OPN5: variants seen among roughly 807,000 people sequenced by gnomAD.
The protein encoded by OPN5 is opsin-5.
A neutral mutation model predicts 41.7 loss-of-function variants in OPN5; 18 were observed. The ratio of observed to expected loss-of-function variants is 0.43; its 90% CI spans 0.30 to 0.64. The LOEUF (loss-of-function observed/expected upper bound fraction) is 0.64. Among genes scored for constraint, OPN5 ranks in the 30% least tolerant of loss-of-function variants. The pLI is 0.13. For synonymous variants in OPN5, 178 were observed against 164.3 expected, an observed-to-expected ratio of 1.08 and a Z score of -0.64; for missense variants, 318 against 434.5, an observed-to-expected ratio of 0.73 and a Z score of 2.38.
intron 2 of OPN5, among the ~76,000 whole-genome samples, chr6:47,791,477 AG>A (rs1773370291): frequency 6.6e-6 from 1 of 152,208 alleles, no homozygotes; most frequent in African/African-American, 2.4e-5. Flanking sequence ...ACTGGCTACT[AG>A]TATCATGTCT....
chr6:47,816,731 C>T (rs1426119071), intron 6 of OPN5, among the ~76,000 whole-genome samples: 2 of 151,988 alleles, frequency 1.3e-5, no homozygotes, highest in African/African-American at 2.4e-5. Flanking sequence ...CTCTCAGTGT[C>T]GCTGGTTGTC....
intron 1 of OPN5, among the ~76,000 whole-genome samples, chr6:47,783,714 T>A (rs1455227936): frequency 6.6e-6 from 1 of 152,190 alleles, no homozygotes. Context: ...GAGCAGAGAA[T>A]AAAATGGGCA....
intron 6 of OPN5, among the ~76,000 whole-genome samples, chr6:47,822,795 C>T (rs889335465): frequency 1.3e-5 from 2 of 151,990 alleles, no homozygotes; most frequent in African/African-American, 4.8e-5. Flanking sequence ...TTTTTTATAC[C>T]GTGAAAAAAT....
intron 4 of OPN5, among the ~76,000 whole-genome samples, chr6:47,799,506 C>A (rs1773690207): frequency 6.6e-6 from 1 of 152,004 alleles, no homozygotes; most frequent in Non-Finnish European, 1.5e-5. Context: ...ATTTAGGGTT[C>A]CTTGTGGTCT....
exon 7 of OPN5, chr6:47,823,994 A>G (rs1762717081): frequency 2.6e-6 from 4 of 1,549,990 alleles, no homozygotes; most frequent in Non-Finnish European, 3.5e-6. Context: ...GGGAATAACA[A>G]ATGTTCTGGT....
At chr6:47,816,857 A>G (rs1398592417) in intron 6 of OPN5, among the ~76,000 whole-genome samples, 2 of 152,126 alleles carry the variant, frequency 1.3e-5, no homozygotes, top group East Asian at 1.9e-4. Flanking sequence ...AAAGGAAACT[A>G]TTGTTATCAT....
chr6:47,795,761 TTCTC>T (rs112984403), intron 4 of OPN5, among the ~76,000 whole-genome samples, 198 bp downstream of exon 4: 4,528 of 136,896 alleles, frequency 0.033, 117 homozygotes, highest in Non-Finnish European at 0.045. Flanking sequence ...CACTTCTCTC[TTCTC>T]TCTCTCTCTC....
At chr6:47,810,331 A>G (rs1313619552) in intron 5 of OPN5, among the ~76,000 whole-genome samples, 2 of 152,186 alleles carry the variant, frequency 1.3e-5, no homozygotes, top group Non-Finnish European at 2.9e-5. Flanking sequence ...GCTGCTTCAG[A>G]GAAGAGCAGA....
chr6:47,809,605 A>T (rs538967768), intron 5 of OPN5, among the ~76,000 whole-genome samples: 75 of 152,368 alleles, frequency 4.9e-4, no homozygotes, highest in African/African-American at 1.8e-3. Flanking sequence ...CATAGAGCCT[A>T]GAATTGGAAT....
chr6:47,799,219 C>T (rs533258), intron 4 of OPN5, among the ~76,000 whole-genome samples: 87,319 of 140,634 alleles, frequency 0.62, 26,926 homozygotes, highest in East Asian at 0.79. Flanking sequence ...TATATATATA[C>T]ACACACACAC....
rs530851987 is a variant in OPN5 at position 47,788,160 on chromosome 6, A to G, written c.250+1526A>G. The stretch of plus-strand genomic sequence containing the variant: ...AGACATGCCTGGTTTTGTGAAAATA[A>G]ACAGGACGAACCCCAGGGGATTTGT... On this transcript the variant is annotated intron_variant, in intron 2 of 6. Coordinates refer to ENST00000371211, the Ensembl canonical transcript of OPN5. Among the ~76,000 whole-genome samples the G allele has an allele frequency of 3.9e-5, 6 of 152,338 alleles. No homozygotes were observed. In the South Asian group the frequency reaches 1.2e-3, roughly 32 times the overall value.
In OPN5 at chr6:47,804,640, G is replaced by A. The variant is rs139929265; in HGVS notation, c.757-3514G>A. ...AGTGAATGTGCCTTATATTAACTTTGTATTCACTTCAGAAACATAAATAAC... is the reference window on the plus strand; with the variant it reads ...AGTGAATGTGCCTTATATTAACTTTATATTCACTTCAGAAACATAAATAAC... On this transcript the variant is annotated intron_variant, in intron 4 of 6. Coordinates refer to ENST00000371211, the Ensembl canonical transcript of OPN5. 2.0e-5 allele frequency among the ~76,000 whole-genome samples: 3 copies of A among 152,246 alleles called. No individual in the cohort carries two copies. In the East Asian group the frequency reaches 5.8e-4, roughly 29 times the overall value.
Position 47,803,360 on chromosome 6 carries a change from C to A in OPN5, c.757-4794C>A, listed in dbSNP as rs1446949061. 4.6e-5 allele frequency among the ~76,000 whole-genome samples: 7 copies of A among 152,098 alleles called. No individual in the cohort carries two copies. In the East Asian group the frequency reaches 9.7e-4, roughly 21 times the overall value. ...GTAGTCTCATAACTGGAATTACTGTCTTTTAATATTATTTTCTTACTGGCC... is the reference window on the plus strand; with the variant it reads ...GTAGTCTCATAACTGGAATTACTGTATTTTAATATTATTTTCTTACTGGCC... On this transcript the variant is annotated intron_variant, in intron 4 of 6. Coordinates refer to ENST00000371211, the Ensembl canonical transcript of OPN5.
At chr6:47,812,137 A>G (rs1774231919) in intron 6 of OPN5, among the ~76,000 whole-genome samples, 1 of 152,108 alleles carries the variant, frequency 6.6e-6, no homozygotes, top group Non-Finnish European at 1.5e-5. Context: ...CAGGTGGACA[A>G]TCATGTATGT....
At chr6:47,809,546 T>C (rs768061556) in intron 5 of OPN5, among the ~76,000 whole-genome samples, 1 of 152,236 alleles carries the variant, frequency 6.6e-6, no homozygotes, top group African/African-American at 2.4e-5. Flanking sequence ...AATGTTCAGT[T>C]GTTTACAATA....
At chr6:47,824,937 A>C (rs1226359317), downstream of OPN5, 1 of 152,186 alleles carries the variant, frequency 6.6e-6, no homozygotes, top group African/African-American at 2.4e-5. Context: ...CAAAGTAAGA[A>C]GACTCTACCT....
At chr6:47,806,524 C>G (rs1458007128) in intron 4 of OPN5, among the ~76,000 whole-genome samples, 1 of 152,138 alleles carries the variant, frequency 6.6e-6, no homozygotes, top group Non-Finnish European at 1.5e-5. Flanking sequence ...CTCAGTAATA[C>G]TTGTTGATTG....
intron 6 of OPN5, among the ~76,000 whole-genome samples, chr6:47,813,296 ACCCCT>A (rs1762319723): frequency 6.6e-6 from 1 of 152,172 alleles, no homozygotes; most frequent in Non-Finnish European, 1.5e-5. Flanking sequence ...TCAGGTTTGC[ACCCCT>A]CCTCTGTGCC....
At chr6:47,800,840 A>G (rs147899414) in intron 4 of OPN5, among the ~76,000 whole-genome samples, 41 of 152,368 alleles carry the variant, frequency 2.7e-4, no homozygotes, top group African/African-American at 9.6e-4. Context: ...GTTTCAGTAC[A>G]ATGACAGGAA....
Sources: gnomAD v4.1 joint callset for allele counts (sites outside exome capture counted in the v4.1 genomes callset) on GRCh38, gnomAD v4.1.1 for gene constraint, MANE v1.5 for transcripts, NCBI Gene and HGNC (gene_info 2026-07-23, HGNC 2026-07-21) for gene names.